PKD1L3: variants seen among roughly 807,000 people sequenced by gnomAD.
PKD1L3 encodes polycystin 1 like 3, transient receptor potential channel interacting.
Under a neutral mutation model 184.1 loss-of-function variants are expected in PKD1L3, and 239 were observed. That is an observed-to-expected ratio of 1.30 (90% confidence interval 1.17 to 1.45). The LOEUF (loss-of-function observed/expected upper bound fraction) is 1.45, where lower values mean the gene tolerates loss of function less well. Among genes scored for constraint, PKD1L3 ranks in the 40% most tolerant of loss-of-function variants. The probability of loss-of-function intolerance (pLI) is 0.00; values close to 1 mark genes in which losing one functional copy is unlikely to be tolerated. For missense variants in PKD1L3, 2,660 were observed against 2,067.2 expected (o/e 1.29, Z -5.56); for synonymous variants, 996 against 778.8 (o/e 1.28, Z -4.64).
chr16:71,988,483 C>T (rs1364044379), intron 4 of PKD1L3, among the ~76,000 whole-genome samples: 1 of 152,220 alleles, frequency 6.6e-6, no homozygotes, highest in Admixed American at 6.5e-5. Context: ...GCATAAGCCA[C>T]CGCACCAAGC....
At chr16:71,962,100 C>CT (rs35088893) in intron 16 of PKD1L3, among the ~76,000 whole-genome samples, 41,558 of 151,854 alleles carry the variant, frequency 0.27, 5,939 homozygotes, top group South Asian at 0.41. Flanking sequence ...AATTTTTGTA[C>CT]TTTGGTAGAG....
At chr16:71,988,322 G>T (rs923114699) in intron 4 of PKD1L3, among the ~76,000 whole-genome samples, 2 of 152,090 alleles carry the variant, frequency 1.3e-5, no homozygotes. Flanking sequence ...ACCCTCCCCA[G>T]TAGCTGGGAT....
chr16:71,973,984 A>G (rs2039820836), intron 11 of PKD1L3, among the ~76,000 whole-genome samples: 1 of 140,244 alleles, frequency 7.1e-6, no homozygotes. Flanking sequence ...CCTGGGCAAC[A>G]GAGTGAGATT....
At chr16:71,953,144 G>A (rs1406196390) in intron 17 of PKD1L3, 51 bp from the exon 18 acceptor site, 12 of 1,358,764 alleles carry the variant, frequency 8.8e-6, no homozygotes, top group African/African-American at 1.5e-5. Flanking sequence ...TAAAATAATC[G>A]CAAAGTCATT....
intron 5 of PKD1L3, among the ~76,000 whole-genome samples, chr16:71,985,892 G>A (rs562992696): frequency 6.6e-6 from 1 of 152,204 alleles, no homozygotes; most frequent in Non-Finnish European, 1.5e-5. Context: ...TGGGAGGAAG[G>A]AAACAAGGCG....
chr16:71,988,224 T>G (rs9928317), intron 4 of PKD1L3, among the ~76,000 whole-genome samples: 82,395 of 151,852 alleles, frequency 0.54, 22,919 homozygotes, highest in African/African-American at 0.64. Context: ...AAATCGTGTC[T>G]CCTTCTGTCA....
Position 71,942,690 on chromosome 16 carries a change from T to C in PKD1L3, c.4194A>G (p.Leu1398=), listed in dbSNP as rs1455628214. ...NGHTCGRPKS[L]FPGLHLRRFS... is the part of the protein sequence containing the mutation. ...ACCTCCTTAGATGAAGTCCAGGGAATAGGCTCTTGGGACGCCCACAGGTAT... is the reference window on the plus strand; with the variant it reads ...ACCTCCTTAGATGAAGTCCAGGGAACAGGCTCTTGGGACGCCCACAGGTAT... The change falls in exon 24 of 30, where the codon CTA becomes CTG. Residue 1398 remains leucine (L), a synonymous_variant. Transcript: ENST00000620267. 49 of 1,551,730 alleles carry C rather than the reference T, an allele frequency of 3.2e-5. No individual in the cohort carries two copies. The highest frequency in any genetic ancestry group is 4.1e-5 in the Non-Finnish European group (47 of 1,147,010).
At chr16:71,992,363 G>T (rs750318864) in intron 3 of PKD1L3, among the ~76,000 whole-genome samples, 1 of 152,138 alleles carries the variant, frequency 6.6e-6, no homozygotes, top group Non-Finnish European at 1.5e-5. Context: ...ATTTAATTCA[G>T]TAATTTAGTT....
intron 5 of PKD1L3, 77 bp downstream of exon 5, chr16:71,986,144 G>T (rs1351405828): frequency 6.7e-7 from 1 of 1,492,042 alleles, no homozygotes; most frequent in Non-Finnish European, 9.1e-7. Context: ...GTGTAGTTCT[G>T]CAGGGAGGCA....
At chr16:71,963,607 T>C (rs1597329293) in intron 15 of PKD1L3, among the ~76,000 whole-genome samples, 2 of 152,092 alleles carry the variant, frequency 1.3e-5, no homozygotes, top group East Asian at 3.9e-4. Context: ...CGTCGCAAAA[T>C]CCCAACTCTA....
chr16:71,937,273 T>G lies in PKD1L3; in HGVS notation c.4452+19A>C. 6.5e-7 allele frequency: 1 copy of G among 1,547,244 alleles called. No homozygotes were observed. On this transcript the variant is annotated intron_variant, in intron 25 of 29. Coordinates refer to ENST00000620267, the MANE Select transcript of PKD1L3 (RefSeq NM_181536.2). ...TTTTGCCATGTTGCCCAGGCTGACA[T>G]CTAACATTATTGACTCACCTGTATG...
chr16:71,949,766 T>G lies in PKD1L3; in HGVS notation c.3618+17A>C. ...TAACTTCTGCAACTCCAATGGTTCT[T>G]CCCATCCCTCACATACCTTTACTGG... is the stretch of plus-strand genomic sequence containing the variant. On this transcript the variant is annotated intron_variant, in intron 21 of 29. Coordinates refer to ENST00000620267, the MANE Select transcript of PKD1L3 (RefSeq NM_181536.2). 6.5e-7 allele frequency: 1 copy of G among 1,543,918 alleles called. No individual in the cohort carries two copies. The highest frequency in any genetic ancestry group is 1.2e-5 in the South Asian group (1 of 83,848).
At chr16:71,934,251 G>C (rs2038096237) in intron 26 of PKD1L3, 126 bp from the exon 27 acceptor site, 1 of 823,754 alleles carries the variant, frequency 1.2e-6, no homozygotes. Flanking sequence ...GTTGATGTGA[G>C]AACTGCTTTC....
Position 71,950,188 on chromosome 16 carries a change from C to G in PKD1L3, c.3313G>C (p.Ala1105Pro), listed in dbSNP as rs2038776552. The G allele has an allele frequency of 6.4e-7, 1 of 1,552,134 alleles. No individual in the cohort carries two copies. Among genetic ancestry groups the G allele is most frequent in the Admixed American group, 2.0e-5 (1 of 50,948 alleles). ...GHQSCDFLDA[A>P]SQLQKLQELL... ...TCCTGGAGTTTTTGAAGTTGGCTGG[C>G]TGCATCTAGGAAGTCACAGGACTGG... Residue 1105 changes from alanine to proline, a missense_variant, in exon 20 of 30, where the codon GCC becomes CCC. Coordinates refer to ENST00000620267, the MANE Select transcript of PKD1L3 (RefSeq NM_181536.2).
At position 72,000,352 on chromosome 16, in the gene PKD1L3, G is replaced by A. The variant is rs1396782193; in HGVS notation, c.-374C>T. Reference sequence around the variant, plus strand: ...TAATAAGTGTAGCTTTTTCTTTTCTGAGGCAGGGTCTCATTCTGTTGGTCA... The same window carrying A: ...TAATAAGTGTAGCTTTTTCTTTTCTAAGGCAGGGTCTCATTCTGTTGGTCA... On this transcript the variant is annotated 5_prime_UTR_variant, in exon 1 of 30. Coordinates refer to ENST00000620267, the MANE Select transcript of PKD1L3 (RefSeq NM_181536.2). Among the ~76,000 whole-genome samples the A allele has an allele frequency of 6.6e-6, 1 of 152,066 alleles. No individual in the cohort carries two copies. Among genetic ancestry groups the A allele is most frequent in the Non-Finnish European group, 1.5e-5 (1 of 68,026 alleles).
Position 71,973,330 on chromosome 16 carries a change from T to G in PKD1L3, c.1947A>C (p.Gly649=). The change falls in exon 12 of 30, where the codon GGA becomes GGC. Residue 649 remains glycine (G), a synonymous_variant. Transcript: ENST00000620267. The part of the protein sequence containing the change: ...EIHNQTWSSA[G]CQVGPQSTIL... ...AAGCGGCTCAGTTTCTTACTTGGCA[T>G]CCGGCGCTGCTCCATGTCTGGTTGT... The G allele has an allele frequency of 6.4e-7, 1 of 1,551,626 alleles. No homozygotes were observed. Among genetic ancestry groups the G allele is most frequent in the Admixed American group, 2.0e-5 (1 of 50,990 alleles).
rs1555523481 is a variant in PKD1L3, at chr16:71,977,560, C to CTTTTTTT, written c.1528-100_1528-94dup. On this transcript the variant is annotated intron_variant, in intron 10 of 29. Transcript: ENST00000620267. ...GATAAGGTAAGGAAACGTCCTAGCT[C>CTTTTTTT]TTTTTTTTTTTTTTTTTTTTGAGAT... 9.2e-6 allele frequency: 5 copies of CTTTTTTT among 543,812 alleles called. 1 individual carries two copies. Among genetic ancestry groups the CTTTTTTT allele is most frequent in the Non-Finnish European group, 5.7e-6 (2 of 353,160 alleles). The allele number at this position is 543,812 out of a possible 1,614,324, so 33.7% of individuals were successfully genotyped here.
At chr16:71,962,053 T>G (rs767979286) in intron 16 of PKD1L3, among the ~76,000 whole-genome samples, 18 of 152,146 alleles carry the variant, frequency 1.2e-4, no homozygotes, top group Non-Finnish European at 2.4e-4. Flanking sequence ...GCCTTCCAAG[T>G]AGCTGGGACT....
chr16:71,959,365 G>A (rs780477809), intron 16 of PKD1L3, among the ~76,000 whole-genome samples: 19 of 151,984 alleles, frequency 1.3e-4, no homozygotes, highest in Non-Finnish European at 2.4e-4. Flanking sequence ...AGCTGAGATC[G>A]TGCCATTGTA....
Sources: gnomAD v4.1 joint callset for allele counts (sites outside exome capture counted in the v4.1 genomes callset) on GRCh38, gnomAD v4.1.1 for gene constraint, MANE v1.5 for transcripts, NCBI Gene and HGNC (gene_info 2026-07-23, HGNC 2026-07-21) for gene names.